The following CPZ variants were observed in gnomAD, a reference collection of about 807,000 sequenced individuals.
CPZ encodes VEZT/CPZ fusion.
CPZ carries 103 observed loss-of-function variants against 61.8 expected under a neutral mutation model. The observed-to-expected ratio is 1.67, with a 90% CI of 1.42 to 1.96. CPZ has a LOEUF of 1.96. Ranked by LOEUF, CPZ falls within the 30% of genes most tolerant of loss-of-function variation. The pLI is 0.00. For synonymous variants in CPZ, 551 were observed against 373.7 expected (o/e 1.47, Z -5.47); for missense variants, 1,461 against 914.9 (o/e 1.60, Z -7.70).
In CPZ at chr4:8,592,828, C is replaced by T. The variant is rs535531869; in HGVS notation, c.-6C>T. On this transcript the variant is annotated 5_prime_UTR_variant, in exon 1 of 11. Coordinates refer to ENST00000360986, the MANE Select transcript of CPZ (RefSeq NM_001014447.3). ...GCGCTGGCCGTCCAAGGTCCGCCGC[C>T]CCACCATGCCGCCCCCGCTGCCGCT... is the stretch of plus-strand genomic sequence containing the variant. 603 of 1,463,096 alleles carry T rather than the reference C, an allele frequency of 4.1e-4. 9 individuals carry two copies. In the South Asian group the frequency reaches 7.6e-3, roughly 18 times the overall value. The allele number at this position is 1,463,096 out of a possible 1,614,324, so 90.6% of individuals were successfully genotyped here.
intron 7 of CPZ, among the ~76,000 whole-genome samples, chr4:8,611,548 C>A (rs575554317): frequency 3.3e-5 from 5 of 152,146 alleles, no homozygotes; most frequent in Admixed American, 3.3e-4. Context: ...GCTGGTCAGC[C>A]TGGAGGTGGA....
chr4:8,592,783 G>A lies in CPZ; in HGVS notation c.-51G>A. The A allele has an allele frequency of 3.1e-6, 4 of 1,287,704 alleles. No individual in the cohort carries two copies. Among genetic ancestry groups the A allele is most frequent in the Non-Finnish European group, 4.0e-6 (4 of 997,728 alleles). The allele number at this position is 1,287,704 out of a possible 1,614,324, so 79.8% of individuals were successfully genotyped here. A position where few individuals can be genotyped will look rare whatever the true frequency, so the allele number is the denominator to read the frequency against. Reference sequence around the variant, plus strand: ...CGAGCGCAGAGCCCCGGCCCCGCGCGGCCCGAGTGCCACATCACTGCGCTG... The same window carrying A: ...CGAGCGCAGAGCCCCGGCCCCGCGCAGCCCGAGTGCCACATCACTGCGCTG... On this transcript the variant is annotated 5_prime_UTR_variant, in exon 1 of 11. Transcript: ENST00000360986.
intron 2 of CPZ, chr4:8,599,826 C>G: frequency 3.1e-6 from 1 of 321,700 alleles, no homozygotes; most frequent in Admixed American, 5.0e-5. Flanking sequence ...CTGTGCCGGG[C>G]CCCTGCTGAG....
intron 9 of CPZ, among the ~76,000 whole-genome samples, chr4:8,614,817 C>G (rs1430720610): frequency 2.0e-5 from 3 of 152,128 alleles, no homozygotes; most frequent in Non-Finnish European, 4.4e-5. Context: ...CTGACCCAGC[C>G]TCAGAGGCTG....
intron 9 of CPZ, 66 bp from the exon 10 acceptor site, chr4:8,618,363 C>A: frequency 1.3e-6 from 2 of 1,498,724 alleles, no homozygotes; most frequent in Non-Finnish European, 9.3e-7. Context: ...GGGGAACGAG[C>A]TGACGGCCTC....
intron 5 of CPZ, among the ~76,000 whole-genome samples, chr4:8,606,469 G>A (rs903800697): frequency 6.6e-6 from 1 of 152,122 alleles, no homozygotes; most frequent in African/African-American, 2.4e-5. Flanking sequence ...GTAGCTCTCG[G>A]GGAGGTGGGC....
chr4:8,612,911 G>T (rs1299097788), intron 8 of CPZ, among the ~76,000 whole-genome samples: 2 of 152,222 alleles, frequency 1.3e-5, no homozygotes, highest in African/African-American at 4.8e-5. Flanking sequence ...GGCGGGCAGA[G>T]AAGGTGGCAC....
rs749243034 is a variant in CPZ, at chr4:8,601,507, A to G, written c.496+10A>G. On this transcript the variant is annotated intron_variant, in intron 3 of 10. Transcript: ENST00000360986. ...CTGGAGAAGCTTCGGGGTAAGGGAA[A>G]GTGGCGGGGGCCTGTGTGGTCATGG... 2.7e-6 allele frequency: 4 copies of G among 1,459,290 alleles called. No homozygotes were observed. The East Asian group carries it at 7.4e-5, about 27-fold the overall frequency. 90.4% of individuals were successfully genotyped at this position (1,459,290 alleles called of 1,614,324 possible).
At chr4:8,599,248 C>A (rs1346807404) in intron 1 of CPZ, among the ~76,000 whole-genome samples, 1 of 152,224 alleles carries the variant, frequency 6.6e-6, no homozygotes, top group Non-Finnish European at 1.5e-5. Context: ...GGTCATGTGA[C>A]CTCTCAGACG....
At chr4:8,603,526 A>G (rs1228739929) in intron 3 of CPZ, 1 of 174,644 alleles carries the variant, frequency 5.7e-6, no homozygotes, top group Non-Finnish European at 1.2e-5. Context: ...AGGGGGCACC[A>G]CAAGGAGCCT....
intron 7 of CPZ, 37 bp downstream of exon 7, chr4:8,607,462 CAG>C (rs1715137785): frequency 1.9e-6 from 3 of 1,604,636 alleles, no homozygotes; most frequent in East Asian, 2.2e-5. Flanking sequence ...GGGAGGGAGA[CAG>C]TGTGCGCGGT....
At chr4:8,599,309 C>T in intron 1 of CPZ, 144 bp from the exon 2 acceptor site, 4 of 904,010 alleles carry the variant, frequency 4.4e-6, no homozygotes, top group Non-Finnish European at 4.7e-6. Flanking sequence ...GCCTCAGGGG[C>T]TGCTGTGAAG....
rs541666749 is a variant in CPZ, at chr4:8,598,411, TC to T, written c.89-1040del. ...GAGCTCCGAAAAGCGGCCTGCACTC[TC>T]CTGGCCTCAAGGTTCTGTCCCAGGT... On this transcript the variant is annotated intron_variant, in intron 1 of 10. Coordinates refer to ENST00000360986, the MANE Select transcript of CPZ (RefSeq NM_001014447.3). Among the ~76,000 whole-genome samples, 8 of 152,330 alleles carry T rather than the reference TC, an allele frequency of 5.3e-5. No individual in the cohort carries two copies. The South Asian group carries it at 1.7e-3, about 32-fold the overall frequency.
At chr4:8,599,572 T>G in intron 2 of CPZ, 87 bp downstream of exon 2, 1 of 1,576,996 alleles carries the variant, frequency 6.3e-7, no homozygotes, top group Non-Finnish European at 8.6e-7. Context: ...GCTGAATCCG[T>G]GATTTCAGAA....
chr4:8,609,047 CCTCCCTCCCTCA>C (rs1337645166), intron 7 of CPZ, among the ~76,000 whole-genome samples: 1 of 28,428 alleles, frequency 3.5e-5, no homozygotes, highest in African/African-American at 1.5e-4. Flanking sequence ...CCATTCACTC[CCTCCCTCCCTCA>C]CTCCCTCACT....
At chr4:8,618,339 T>G (rs1469593465) in intron 9 of CPZ, 90 bp from the exon 10 acceptor site, 7 of 1,265,806 alleles carry the variant, frequency 5.5e-6, no homozygotes, top group Non-Finnish European at 5.7e-6. Flanking sequence ...GATACCAAGC[T>G]CTGAGGAGCA....
intron 5 of CPZ, 113 bp from the exon 6 acceptor site, chr4:8,606,624 C>T (rs1015600469): frequency 5.2e-6 from 7 of 1,358,896 alleles, no homozygotes; most frequent in Non-Finnish European, 7.3e-6. Context: ...CACATAAAGC[C>T]GGGGGAAACC....
In CPZ at chr4:8,618,543, G is replaced by A. The variant is rs768179196; in HGVS notation, c.1603+15G>A. On this transcript the variant is annotated intron_variant, in intron 10 of 10. Coordinates refer to ENST00000360986, the MANE Select transcript of CPZ (RefSeq NM_001014447.3). ...CATCACCACAGGTGAGCACGTCCCT[G>A]GCTGTCCCCTGGGGACCACGTCTGC... is the stretch of plus-strand genomic sequence containing the variant. 3.7e-6 allele frequency: 6 copies of A among 1,610,914 alleles called. No homozygotes were observed. In the African/African-American group the frequency reaches 4.0e-5, roughly 11 times the overall value.
In CPZ at chr4:8,605,971, C is replaced by G. The variant is rs1553876876; in HGVS notation, c.710-18C>G. The G allele has an allele frequency of 1.2e-6, 2 of 1,605,786 alleles. No individual in the cohort carries two copies. Among genetic ancestry groups the G allele is most frequent in the East Asian group, 2.2e-5 (1 of 44,678 alleles). ...CCGGCTTTGAGATGATGCCCCAAGTCTCTGTATTTGCCCCCAGTGGAGCCC... is the reference window on the plus strand; with the variant it reads ...CCGGCTTTGAGATGATGCCCCAAGTGTCTGTATTTGCCCCCAGTGGAGCCC... On this transcript the variant is annotated intron_variant, in intron 4 of 10. Coordinates refer to ENST00000360986, the MANE Select transcript of CPZ (RefSeq NM_001014447.3).
Sources: gnomAD v4.1 joint callset for allele counts (sites outside exome capture counted in the v4.1 genomes callset) on GRCh38, gnomAD v4.1.1 for gene constraint, MANE v1.5 for transcripts, NCBI Gene and HGNC (gene_info 2026-07-23, HGNC 2026-07-21) for gene names.